CD302: variants seen among roughly 807,000 people sequenced by gnomAD.
The protein encoded by CD302 is CD302 antigen.
Under a neutral mutation model 26.5 loss-of-function variants are expected in CD302, and 23 were observed. That is an observed-to-expected ratio of 0.87 (90% CI 0.62 to 1.23). The LOEUF is 1.23. Ranked by LOEUF, CD302 falls within the 50% of genes most tolerant of loss-of-function variation. The pLI is 0.00. For missense variants in CD302, 290 were observed against 275.5 expected (o/e 1.05, Z -0.37); for synonymous variants, 90 against 99.4 (o/e 0.91, Z 0.56).
rs1396839599 is a variant in CD302, at chr2:159,770,920, G to C, written c.*931C>G. The C allele has an allele frequency of 6.6e-6, 1 of 152,094 alleles. No individual in the cohort carries two copies. The highest frequency in any genetic ancestry group is 1.5e-5 in the Non-Finnish European group (1 of 68,014). The allele number at this position is 152,094 out of a possible 1,614,324, so 9.4% of individuals were successfully genotyped here. A position where few individuals can be genotyped will look rare whatever the true frequency, so the allele number is the denominator to read the frequency against. ...CTTTCCTGTTTTTGGTTTATTGATG[G>C]TGAGGAAAATTACTCGTTTCAGCTT... On this transcript the variant is annotated 3_prime_UTR_variant, in exon 6 of 6. Coordinates refer to ENST00000259053, the MANE Select transcript of CD302 (RefSeq NM_014880.5).
chr2:159,792,049 T>G (rs1708820743), intron 1 of CD302, among the ~76,000 whole-genome samples: 1 of 152,226 alleles, frequency 6.6e-6, no homozygotes, highest in South Asian at 2.1e-4. Flanking sequence ...AGCAGTTGCT[T>G]GTCTGGGTGA....
intron 5 of CD302, among the ~76,000 whole-genome samples, chr2:159,776,629 T>C (rs1004099304): frequency 6.6e-6 from 1 of 152,016 alleles, no homozygotes. Flanking sequence ...ACACTTCTTT[T>C]CTCCTCCTCT....
Position 159,771,189 on chromosome 2 carries a change from A to T in CD302, c.*662T>A, listed in dbSNP as rs1708136126. The T allele has an allele frequency of 6.6e-6, 1 of 152,274 alleles. No individual in the cohort carries two copies. The highest frequency in any genetic ancestry group is 2.1e-4 in the South Asian group (1 of 4,832). 9.4% of individuals were successfully genotyped at this position (152,274 alleles called of 1,614,324 possible). On this transcript the variant is annotated 3_prime_UTR_variant, in exon 6 of 6. Coordinates refer to ENST00000259053, the MANE Select transcript of CD302 (RefSeq NM_014880.5). ...AGAGAAATCCTTAAAGGGGCACTAT[A>T]ATATGTAAGTGTTAACCTAATTGCC...
intron 4 of CD302, 136 bp downstream of exon 4, chr2:159,779,869 C>T (rs1708455264): frequency 5.9e-6 from 6 of 1,015,530 alleles, no homozygotes; most frequent in Non-Finnish European, 6.9e-6. Flanking sequence ...TACCATAATG[C>T]TGGGATTGCA....
intron 5 of CD302, among the ~76,000 whole-genome samples, chr2:159,776,723 G>T (rs13420350): frequency 0.039 from 783 of 20,036 alleles, 200 homozygotes; most frequent in Non-Finnish European, 0.047. Context: ...TTTTTTTTTT[G>T]TGAGATGGAG....
intron 1 of CD302, among the ~76,000 whole-genome samples, chr2:159,784,209 AGAG>A (rs1708599931): frequency 6.6e-6 from 1 of 152,218 alleles, no homozygotes; most frequent in African/African-American, 2.4e-5. Flanking sequence ...CAAAATGGAA[AGAG>A]AATTTTACTT....
At chr2:159,772,937 A>G (rs1177592147) in intron 5 of CD302, among the ~76,000 whole-genome samples, 1 of 152,156 alleles carries the variant, frequency 6.6e-6, no homozygotes, top group African/African-American at 2.4e-5. Context: ...GCCCCAAGTG[A>G]ACTATCTTTT....
chr2:159,797,555 A>G (rs1444073628), intron 1 of CD302, among the ~76,000 whole-genome samples: 1 of 152,182 alleles, frequency 6.6e-6, no homozygotes, highest in Admixed American at 6.5e-5. Context: ...TTTCAGTGAA[A>G]TCCAAGCTTT....
At chr2:159,774,421 C>G (rs770488028) in intron 5 of CD302, among the ~76,000 whole-genome samples, 4 of 152,158 alleles carry the variant, frequency 2.6e-5, no homozygotes, top group African/African-American at 9.7e-5. Flanking sequence ...CGCTCTAGTT[C>G]TAACACTGAT....
Position 159,797,725 on chromosome 2 carries a change from C to A in CD302, c.67+407G>T, listed in dbSNP as rs530039521. Among the ~76,000 whole-genome samples, 8 of 152,298 alleles carry A rather than the reference C, an allele frequency of 5.3e-5. No individual in the cohort carries two copies. In the South Asian group the frequency reaches 1.7e-3, roughly 32 times the overall value. On this transcript the variant is annotated intron_variant, in intron 1 of 5. Coordinates refer to ENST00000259053, the MANE Select transcript of CD302 (RefSeq NM_014880.5). Reference sequence around the variant, plus strand: ...CATCCCAGCAACCCCACTCCGGCCGCGCACCAGCAGGGGAAATCGCCACCA... The same window carrying A: ...CATCCCAGCAACCCCACTCCGGCCGAGCACCAGCAGGGGAAATCGCCACCA...
intron 1 of CD302, among the ~76,000 whole-genome samples, chr2:159,792,420 C>CTGTG (rs1708831102): frequency 3.1e-5 from 3 of 97,632 alleles, no homozygotes; most frequent in Non-Finnish European, 4.2e-5. Flanking sequence ...AGAGAACCAA[C>CTGTG]TCTGTGTGTG....
chr2:159,785,480 T>C (rs938730622), intron 1 of CD302, among the ~76,000 whole-genome samples: 6 of 152,142 alleles, frequency 3.9e-5, no homozygotes, highest in African/African-American at 1.4e-4. Context: ...GGCTATAAAA[T>C]TACATGATAC....
chr2:159,771,730 A>C lies in CD302; in HGVS notation c.*121T>G. On this transcript the variant is annotated 3_prime_UTR_variant, in exon 6 of 6. Transcript: ENST00000259053. ...CAGCAGATGAGTACATAAAAATGTT[A>C]CTGGAATAAGGAATACCATTAAAGC... The C allele has an allele frequency of 8.8e-7, 1 of 1,141,122 alleles. No homozygotes were observed. The highest frequency in any genetic ancestry group is 1.2e-6 in the Non-Finnish European group (1 of 814,342). The allele number at this position is 1,141,122 out of a possible 1,614,324, so 70.7% of individuals were successfully genotyped here.
intron 5 of CD302, 59 bp downstream of exon 5, chr2:159,777,879 C>T (rs954213288): frequency 3.3e-5 from 28 of 850,884 alleles, no homozygotes; most frequent in Non-Finnish European, 4.8e-5. Flanking sequence ...TTTTAATATG[C>T]CAGAATTTTG....
At position 159,789,558 on chromosome 2, in the gene CD302, G is replaced by GT. The variant is rs5835764; in HGVS notation, c.68-6090dup. On this transcript the variant is annotated intron_variant, in intron 1 of 5. Transcript: ENST00000259053. ...TGCACCCTCACACCCCCTTAGGCCT[G>GT]TTTTTTTTTTTTGTTCTGTCTGGTA... 5.2e-3 allele frequency among the ~76,000 whole-genome samples: 761 copies of GT among 147,104 alleles called. 10 individuals carry two copies. Among genetic ancestry groups the GT allele is most frequent in the Admixed American group, 7.5e-3 (109 of 14,626 alleles).
intron 1 of CD302, among the ~76,000 whole-genome samples, chr2:159,794,927 A>G (rs1708910387): frequency 6.6e-6 from 1 of 151,782 alleles, no homozygotes. Context: ...CACAAGAGTC[A>G]GAAAAGGTGG....
In CD302 at chr2:159,768,967, C is replaced by T. The variant is rs191495190; in HGVS notation, c.*2884G>A. The T allele has an allele frequency of 6.6e-6, 1 of 152,232 alleles. No homozygotes were observed. Among genetic ancestry groups the T allele is most frequent in the African/African-American group, 2.4e-5 (1 of 41,556 alleles). 9.4% of individuals were successfully genotyped at this position (152,232 alleles called of 1,614,324 possible). On this transcript the variant is annotated 3_prime_UTR_variant, in exon 6 of 6. Coordinates refer to ENST00000259053, the MANE Select transcript of CD302 (RefSeq NM_014880.5). ...ATTAAATGCTAAATGACAGTGATAA[C>T]AATGGCTTAAGCTTTACAGTATTCT...
chr2:159,779,221 ACTGCATCGC>A, intron 4 of CD302, among the ~76,000 whole-genome samples: 1 of 113,444 alleles, frequency 8.8e-6, no homozygotes. Flanking sequence ...ACAGAGAGAG[ACTGCATCGC>A]AAAAAAAAAA....
Position 159,769,150 on chromosome 2 carries a change from A to G in CD302, c.*2701T>C, listed in dbSNP as rs1220243856. 1.3e-5 allele frequency: 2 copies of G among 152,214 alleles called. No homozygotes were observed. The highest frequency in any genetic ancestry group is 2.1e-4 in the South Asian group (1 of 4,834). 9.4% of individuals were successfully genotyped at this position (152,214 alleles called of 1,614,324 possible). A position where few individuals can be genotyped will look rare whatever the true frequency, so the allele number is the denominator to read the frequency against. ...ATACACTGCTCACTACAAGAATGCA[A>G]TTTTCTAAGAAAATGTAGTTTAAAA... On this transcript the variant is annotated 3_prime_UTR_variant, in exon 6 of 6. Transcript: ENST00000259053.
Sources: allele counts gnomAD v4.1 joint callset (sites outside exome capture counted in the v4.1 genomes callset), GRCh38; gene constraint gnomAD v4.1.1; transcripts MANE v1.5; gene names NCBI Gene and HGNC (gene_info 2026-07-23, HGNC 2026-07-21).